The following ABCG5 variants were observed in gnomAD, a reference collection of about 807,000 sequenced individuals.
The protein encoded by ABCG5 is ATP binding cassette subfamily G member 5, also known as ATP-binding cassette sub-family G member 5.
ABCG5 carries 64 observed loss-of-function variants against 64.5 expected under a neutral mutation model. The observed-to-expected ratio is 0.99, with a 90% CI of 0.81 to 1.22. ABCG5 has a LOEUF of 1.22. Among genes scored for constraint, ABCG5 ranks in the 50% most tolerant of loss-of-function variants. The pLI is 0.00. For synonymous variants in ABCG5, 385 were observed against 326.3 expected, an observed-to-expected ratio of 1.18 and a Z score of -1.94; for missense variants, 908 against 829.5, an observed-to-expected ratio of 1.09 and a Z score of -1.16.
chr2:43,813,697 G>GTTTTTTTTTTTTTTTTTTTTTTTTTT (rs1235368677), intron 12 of ABCG5, among the ~76,000 whole-genome samples: 1 of 91,318 alleles, frequency 1.1e-5, no homozygotes, highest in South Asian at 3.5e-4. Flanking sequence ...TTTTTTTGGG[G>GTTTTTTTTTTTTTTTTTTTTTTTTTT]TTTTTTTTTT....
intron 6 of ABCG5, among the ~76,000 whole-genome samples, chr2:43,825,965 A>G (rs1350090756): frequency 1.3e-5 from 2 of 149,658 alleles, no homozygotes; most frequent in African/African-American, 4.9e-5. Flanking sequence ...CCAATTCTCT[A>G]GCACTAACGG....
downstream of ABCG5, chr2:43,809,942 G>T: frequency 7.5e-7 from 1 of 1,329,180 alleles, no homozygotes; most frequent in Non-Finnish European, 9.7e-7. Flanking sequence ...CTTTTTAAAA[G>T]GAAAAATTAT....
At chr2:43,834,473 T>C in intron 2 of ABCG5, among the ~76,000 whole-genome samples, 1 of 152,252 alleles carries the variant, frequency 6.6e-6, no homozygotes, top group East Asian at 1.9e-4. Context: ...AGATCATGAA[T>C]GGTGTTGTTT....
chr2:43,813,571 A>G (rs1212337870), intron 12 of ABCG5, among the ~76,000 whole-genome samples: 1 of 151,996 alleles, frequency 6.6e-6, no homozygotes, highest in African/African-American at 2.4e-5. Context: ...AGCACAGACT[A>G]TCCTAAAGTT....
At chr2:43,824,863 A>T in intron 7 of ABCG5, 26 bp downstream of exon 7, 8 of 1,613,038 alleles carry the variant, frequency 5.0e-6, no homozygotes, top group Non-Finnish European at 6.8e-6. Context: ...AACATTCATG[A>T]TGGGGAATGT....
downstream of ABCG5, among the ~76,000 whole-genome samples, chr2:43,811,618 C>G (rs1666483111): frequency 6.7e-6 from 1 of 149,978 alleles, no homozygotes; most frequent in African/African-American, 2.5e-5. Flanking sequence ...TTTTTTGAGA[C>G]AGAGTCTTGC....
Position 43,837,845 on chromosome 2 carries a change from A to C in ABCG5, c.254T>G (p.Leu85Arg), listed in dbSNP as rs1668377745. ...CTTCCCAAGCTTACCTGAGCTTCCT[A>C]GGATGCACATGATCTGCCCGCTCTC... ...YVESGQIMCI[L>R]GSSGSGKTTL... is the part of the protein sequence containing the mutation. Residue 85 changes from leucine (L) to arginine (R), a missense_variant, in exon 2 of 13, where the codon CTA (leucine) becomes CGA (arginine). Coordinates refer to ENST00000405322, the MANE Select transcript of ABCG5 (RefSeq NM_022436.3). 2.5e-6 allele frequency: 4 copies of C among 1,613,852 alleles called. No individual in the cohort carries two copies. In the African/African-American group the frequency reaches 4.0e-5, roughly 16 times the overall value.
In ABCG5 at chr2:43,836,007, G is replaced by A. The variant is rs1242206401; in HGVS notation, c.265+1827C>T. On this transcript the variant is annotated intron_variant, in intron 2 of 12. Coordinates refer to ENST00000405322, the MANE Select transcript of ABCG5 (RefSeq NM_022436.3). ...GCTAGAGTGCAGTGGCACAATCTTG[G>A]CTCACTACAACCTCCACCTCCCAGG... Among the ~76,000 whole-genome samples the A allele has an allele frequency of 2.0e-5, 3 of 151,866 alleles. No individual in the cohort carries two copies. In the East Asian group the frequency reaches 5.8e-4, roughly 29 times the overall value.
At chr2:43,819,486 T>G (rs992364337) in intron 11 of ABCG5, among the ~76,000 whole-genome samples, 3 of 152,096 alleles carry the variant, frequency 2.0e-5, no homozygotes, top group Admixed American at 2.0e-4. Context: ...GCAGGCTTTT[T>G]TTTTTTTGTC....
At chr2:43,827,486 T>A (rs536870083) in intron 5 of ABCG5, among the ~76,000 whole-genome samples, 1 of 151,760 alleles carries the variant, frequency 6.6e-6, no homozygotes, top group South Asian at 2.1e-4. Flanking sequence ...AGTGGCGAGG[T>A]TTCCCCAGGT....
rs376233323 is a variant in ABCG5 at position 43,814,514 on chromosome 2, A to G, written c.1725T>C (p.Leu575=). 7 of 1,609,084 alleles carry G rather than the reference A, an allele frequency of 4.4e-6. No individual in the cohort carries two copies. Among genetic ancestry groups the G allele is most frequent in the Non-Finnish European group, 6.0e-6 (7 of 1,175,736 alleles). ...FTFQKYCSEI[L]VVNEFYGLNF... is the part of the protein sequence containing the mutation. ...TCAGTCCGTAGAACTCATTGACTACAAGAATCTCACTGCAATATTTTTGGA... is the reference window on the plus strand; with the variant it reads ...TCAGTCCGTAGAACTCATTGACTACGAGAATCTCACTGCAATATTTTTGGA... The change falls in exon 12 of 13, where the codon CTT becomes CTC. Residue 575 remains leucine (L), a synonymous_variant. Transcript: ENST00000405322.
intron 2 of ABCG5, chr2:43,832,303 C>A: frequency 1.6e-6 from 1 of 625,562 alleles, no homozygotes; most frequent in Non-Finnish European, 2.8e-6. Context: ...TGGATTGTCC[C>A]CTGAGTGAGA....
intron 10 of ABCG5, among the ~76,000 whole-genome samples, 157 bp from the exon 11 acceptor site, chr2:43,820,257 T>A (rs1259220048): frequency 6.6e-6 from 1 of 151,934 alleles, no homozygotes; most frequent in Non-Finnish European, 1.5e-5. Flanking sequence ...TGGAAAGGAG[T>A]CAACATGAGA....
rs146131711 is a variant in ABCG5, at chr2:43,824,380, G to A, written c.957C>T (p.Ser319=). 441 of 1,614,120 alleles carry A rather than the reference G, an allele frequency of 2.7e-4. 4 individuals are homozygous for A. The African/African-American group carries it at 5.0e-3, about 18-fold the overall frequency. ...CAGATTCTATCATCTGGACTCTCTT[G>A]GAGGTTTCTATTTCCCGTTCCTTGC... ...TQSKEREIET[S]KRVQMIESAY... The change falls in exon 8 of 13, where the codon TCC becomes TCT. Residue 319 remains serine, a synonymous_variant. Transcript: ENST00000405322.
intron 11 of ABCG5, among the ~76,000 whole-genome samples, chr2:43,815,451 T>C (rs1433204339): frequency 2.0e-5 from 3 of 152,150 alleles, no homozygotes; most frequent in Non-Finnish European, 4.4e-5. Context: ...GCCAAGAAAG[T>C]ATAAAAAAAT....
intron 10 of ABCG5, among the ~76,000 whole-genome samples, chr2:43,820,453 C>T (rs1371025671): frequency 6.6e-6 from 1 of 152,116 alleles, no homozygotes; most frequent in Non-Finnish European, 1.5e-5. Flanking sequence ...TCTGCCTAGC[C>T]AACACCACAC....
chr2:43,824,926 G>A lies in ABCG5; in HGVS notation c.867C>T (p.Tyr289=). 6.2e-7 allele frequency: 1 copy of A among 1,614,072 alleles called. No homozygotes were observed. Among genetic ancestry groups the A allele is most frequent in the Non-Finnish European group, 8.5e-7 (1 of 1,179,976 alleles). The change falls in exon 7 of 13, where the codon TAC becomes TAT. Residue 289 remains tyrosine, a synonymous_variant. Transcript: ENST00000405322. ...AAGGGTTTGAATGTTCAGGACAAGG[G>A]TAACCGCAGTCATTGAAGAAATCAA... ...EMLDFFNDCG[Y]PCPEHSNPFD...
chr2:43,825,841 T>C (rs1177584136), intron 6 of ABCG5, among the ~76,000 whole-genome samples: 1 of 152,220 alleles, frequency 6.6e-6, no homozygotes, highest in Non-Finnish European at 1.5e-5. Context: ...ACACACCTCA[T>C]AGGAGTGTTG....
intron 3 of ABCG5, 27 bp downstream of exon 3, chr2:43,831,920 G>A (rs571438215): frequency 5.8e-6 from 9 of 1,547,784 alleles, no homozygotes; most frequent in African/African-American, 2.7e-5. Flanking sequence ...CGGGCGGGGG[G>A]GCCAGGGGTG....
Sources: allele counts gnomAD v4.1 joint callset (sites outside exome capture counted in the v4.1 genomes callset), GRCh38; gene constraint gnomAD v4.1.1; transcripts MANE v1.5; gene names NCBI Gene and HGNC (gene_info 2026-07-23, HGNC 2026-07-21).